Variants in UQCC1 observed in about 807,000 individuals in gnomAD.
The protein encoded by UQCC1 is ubiquinol-cytochrome c reductase complex assembly factor 1.
A neutral mutation model predicts 48.0 loss-of-function variants in UQCC1; 38 were observed. The ratio of observed to expected loss-of-function variants is 0.79; its 90% CI spans 0.61 to 1.04. The LOEUF (loss-of-function observed/expected upper bound fraction) is 1.04. Among genes scored for constraint, UQCC1 ranks in the 50% least tolerant of loss-of-function variants. UQCC1 has a pLI of 0.00. For missense variants in UQCC1, 368 were observed against 381.8 expected (o/e 0.96, Z 0.30); for synonymous variants, 111 against 129.2 (o/e 0.86, Z 0.95).
At chr20:35,365,504 A>G (rs2061655882) in intron 6 of UQCC1, among the ~76,000 whole-genome samples, 1 of 152,052 alleles carries the variant, frequency 6.6e-6, no homozygotes, top group Non-Finnish European at 1.5e-5. Flanking sequence ...AAAATACAAA[A>G]AAATCATATG....
At chr20:35,343,857 T>C (rs930992778) in intron 7 of UQCC1, among the ~76,000 whole-genome samples, 1 of 152,158 alleles carries the variant, frequency 6.6e-6, no homozygotes, top group African/African-American at 2.4e-5. Context: ...TGAATCAGAA[T>C]CTGTATTTTA....
chr20:35,323,022 T>C (rs1343126317), intron 7 of UQCC1, among the ~76,000 whole-genome samples: 2 of 152,156 alleles, frequency 1.3e-5, no homozygotes, highest in African/African-American at 4.8e-5. Context: ...TAATTTTTTG[T>C]ATTTTTAGTA....
At chr20:35,374,062 T>C (rs1389787771) in intron 5 of UQCC1, 122 bp downstream of exon 5, 1 of 699,538 alleles carries the variant, frequency 1.4e-6, no homozygotes, top group Non-Finnish European at 2.4e-6. Context: ...GTTTGGATTA[T>C]ATGCTTTGTG....
At chr20:35,394,416 A>C (rs2062050408) in intron 1 of UQCC1, among the ~76,000 whole-genome samples, 1 of 152,054 alleles carries the variant, frequency 6.6e-6, no homozygotes, top group South Asian at 2.1e-4. Context: ...GTTTATGCTA[A>C]TGAGGTGATT....
intron 2 of UQCC1, chr20:35,392,175 T>G: frequency 8.3e-7 from 1 of 1,201,452 alleles, no homozygotes; most frequent in Non-Finnish European, 1.1e-6. Flanking sequence ...TTATGCACAA[T>G]TCTAATTAAC....
At chr20:35,352,385 G>A (rs976806474) in intron 6 of UQCC1, among the ~76,000 whole-genome samples, 1 of 152,200 alleles carries the variant, frequency 6.6e-6, no homozygotes, top group Non-Finnish European at 1.5e-5. Flanking sequence ...GCAGAGAGTG[G>A]CCAGCTACTG....
chr20:35,371,952 G>C (rs1440502877), intron 5 of UQCC1, among the ~76,000 whole-genome samples: 1 of 151,988 alleles, frequency 6.6e-6, no homozygotes, highest in Non-Finnish European at 1.5e-5. Context: ...GGAGTAAAAG[G>C]ATGCAGTAAA....
chr20:35,382,818 AT>A (rs1177481715), intron 3 of UQCC1, among the ~76,000 whole-genome samples: 5 of 151,870 alleles, frequency 3.3e-5, no homozygotes, highest in Admixed American at 6.6e-5. Context: ...CCTAATTTTC[AT>A]TTTTTTAAGC....
intron 5 of UQCC1, among the ~76,000 whole-genome samples, chr20:35,371,611 C>T (rs1015697933): frequency 3.4e-5 from 5 of 147,400 alleles, no homozygotes; most frequent in African/African-American, 1.0e-4. Context: ...GGATTACAGG[C>T]GTGAGCCACC....
chr20:35,374,390 C>T (rs968752901), intron 4 of UQCC1, 134 bp from the exon 5 acceptor site: 17 of 532,680 alleles, frequency 3.2e-5, no homozygotes, highest in African/African-American at 2.6e-4. Context: ...GTAATTTAAA[C>T]CAATATAAAT....
chr20:35,351,920 G>C (rs1262034851), intron 6 of UQCC1, among the ~76,000 whole-genome samples: 1 of 152,238 alleles, frequency 6.6e-6, no homozygotes, highest in African/African-American at 2.4e-5. Context: ...TTGTGTGAAG[G>C]TGTATGGTTG....
intron 7 of UQCC1, among the ~76,000 whole-genome samples, chr20:35,323,565 G>A (rs570269588): frequency 4.7e-4 from 72 of 152,260 alleles, no homozygotes; most frequent in African/African-American, 1.3e-3. Context: ...CTTACCAACC[G>A]TACTTAAGAA....
At chr20:35,323,570 T>C (rs772067927) in intron 7 of UQCC1, among the ~76,000 whole-genome samples, 3 of 152,208 alleles carry the variant, frequency 2.0e-5, no homozygotes, top group Non-Finnish European at 4.4e-5. Context: ...CAACCGTACT[T>C]AAGAATGAAC....
At chr20:35,332,882 C>T (rs937718448) in intron 7 of UQCC1, among the ~76,000 whole-genome samples, 5 of 152,182 alleles carry the variant, frequency 3.3e-5, no homozygotes, top group Admixed American at 6.5e-5. Context: ...CTTCTGTAAT[C>T]GTTTCATATC....
rs73280172 is a variant in UQCC1 at position 35,362,639 on chromosome 20, G to A, written c.464+3918C>T. Among the ~76,000 whole-genome samples, 496 of 152,168 alleles carry A rather than the reference G, an allele frequency of 3.3e-3. 5 individuals carry two copies. Among genetic ancestry groups the A allele is most frequent in the African/African-American group, 0.011 (455 of 41,510 alleles). On this transcript the variant is annotated intron_variant, in intron 6 of 9. Coordinates refer to ENST00000374385, the MANE Select transcript of UQCC1 (RefSeq NM_018244.5). ...CTCCCAAAGTGCTGGGATTACAACC[G>A]TGAGCCACTGGGCCCGGCCAAAACT...
chr20:35,340,786 T>C (rs1489578263), intron 7 of UQCC1, among the ~76,000 whole-genome samples: 1 of 152,220 alleles, frequency 6.6e-6, no homozygotes, highest in African/African-American at 2.4e-5. Context: ...ACAGTAAAAT[T>C]TTTATATCGT....
chr20:35,316,704 T>A (rs1020806222), intron 7 of UQCC1, among the ~76,000 whole-genome samples: 2 of 152,076 alleles, frequency 1.3e-5, no homozygotes, highest in Non-Finnish European at 2.9e-5. Context: ...AGTGGTGTGA[T>A]CTTGGCTCAC....
intron 1 of UQCC1, among the ~76,000 whole-genome samples, chr20:35,402,046 C>T (rs992440871): frequency 2.0e-4 from 30 of 152,272 alleles, no homozygotes; most frequent in African/African-American, 7.0e-4. Context: ...AGAACAGATA[C>T]TACGGTAACA....
intron 2 of UQCC1, among the ~76,000 whole-genome samples, chr20:35,385,074 G>A (rs907141961): frequency 1.3e-5 from 2 of 151,668 alleles, no homozygotes; most frequent in Non-Finnish European, 2.9e-5. Flanking sequence ...TTTAAATATG[G>A]GCAGCAGTGC....
Sources: gnomAD v4.1 joint callset for allele counts (sites outside exome capture counted in the v4.1 genomes callset) on GRCh38, gnomAD v4.1.1 for gene constraint, MANE v1.5 for transcripts, NCBI Gene and HGNC (gene_info 2026-07-23, HGNC 2026-07-21) for gene names.